DLG2: variants seen among roughly 807,000 people sequenced by gnomAD.
DLG2 encodes discs large MAGUK scaffold protein 2, also known as disks large homolog 2.
A neutral mutation model predicts 132.5 loss-of-function variants in DLG2; 45 were observed. The observed-to-expected ratio is 0.34, with a 90% CI of 0.27 to 0.44. The LOEUF (loss-of-function observed/expected upper bound fraction) is 0.44. DLG2 is among the 20% of genes least tolerant of loss of function. DLG2 has a pLI of 1.00. For missense variants in DLG2, 1,045 were observed against 1,196.9 expected (o/e 0.87, Z 1.87); for synonymous variants, 424 against 419.6 (o/e 1.01, Z -0.13).
intron 19 of DLG2, among the ~76,000 whole-genome samples, chr11:83,560,487 A>G (rs1196314198): frequency 7.7e-6 from 1 of 129,976 alleles, no homozygotes; most frequent in Non-Finnish European, 1.6e-5. Context: ...TCAAAGCTAG[A>G]TTAAAGGTGG....
intron 6 of DLG2, among the ~76,000 whole-genome samples, chr11:84,736,065 A>G (rs1469931019): frequency 6.6e-6 from 1 of 151,814 alleles, no homozygotes; most frequent in East Asian, 1.9e-4. Flanking sequence ...TTTTGAGTAA[A>G]TTTTTATATA....
At position 84,836,123 on chromosome 11, in the gene DLG2, TA is replaced by T. The variant is rs927886267; in HGVS notation, c.357+275537del. Among the ~76,000 whole-genome samples, 7 of 151,880 alleles carry T rather than the reference TA, an allele frequency of 4.6e-5. No individual in the cohort carries two copies. In the South Asian group the frequency reaches 8.3e-4, roughly 18 times the overall value. On this transcript the variant is annotated intron_variant, in intron 6 of 27. Transcript: ENST00000376104. ...AAGCTCAGCTCTCTCATTATCTCTG[TA>T]AAATATGGATGATTTTTACAAGATT...
chr11:84,038,348 C>T (rs771436473), intron 11 of DLG2, among the ~76,000 whole-genome samples: 7 of 151,714 alleles, frequency 4.6e-5, no homozygotes, highest in East Asian at 1.9e-4. Flanking sequence ...CATGAACAGA[C>T]GCTTCTCAAA....
chr11:84,233,377 G>C (rs2097119937), intron 8 of DLG2, among the ~76,000 whole-genome samples: 2 of 152,162 alleles, frequency 1.3e-5, no homozygotes. Flanking sequence ...TCCTAATAAA[G>C]AGCAGCCTGA....
At chr11:83,990,996 A>G (rs867184172) in intron 11 of DLG2, among the ~76,000 whole-genome samples, 9 of 152,136 alleles carry the variant, frequency 5.9e-5, no homozygotes, top group Non-Finnish European at 4.4e-5. Context: ...ACAACAAAAA[A>G]ACCCTTCCCT....
chr11:83,968,102 TTAAAA>T (rs1387994012), intron 12 of DLG2, among the ~76,000 whole-genome samples: 2 of 152,224 alleles, frequency 1.3e-5, no homozygotes, highest in Non-Finnish European at 1.5e-5. Context: ...TAATGTAAAA[TTAAAA>T]TAAATGTCCC....
At chr11:85,259,499 G>T (rs1565227778) in intron 4 of DLG2, among the ~76,000 whole-genome samples, 1 of 151,902 alleles carries the variant, frequency 6.6e-6, no homozygotes. Flanking sequence ...ATTCCACCAT[G>T]TCAGCCATGG....
chr11:84,848,068 G>T (rs1269262322), intron 6 of DLG2, among the ~76,000 whole-genome samples: 1 of 152,106 alleles, frequency 6.6e-6, no homozygotes, highest in Non-Finnish European at 1.5e-5. Flanking sequence ...GGAGCCAGAA[G>T]CCCAGAGAAC....
chr11:84,637,270 A>C (rs2099642290), intron 6 of DLG2, among the ~76,000 whole-genome samples: 1 of 152,098 alleles, frequency 6.6e-6, no homozygotes, highest in African/African-American at 2.4e-5. Context: ...TGATTATGAA[A>C]AGTTTCCCAA....
At chr11:85,600,673 TTTGA>T (rs1454567185) in intron 2 of DLG2, among the ~76,000 whole-genome samples, 1 of 152,230 alleles carries the variant, frequency 6.6e-6, no homozygotes, top group Non-Finnish European at 1.5e-5. Flanking sequence ...ATATATGTGG[TTTGA>T]TTATGTTGTC....
chr11:85,559,886 G>C (rs945024892), intron 3 of DLG2, among the ~76,000 whole-genome samples: 1 of 151,588 alleles, frequency 6.6e-6, no homozygotes, highest in African/African-American at 2.4e-5. Flanking sequence ...TGTAAAGTGT[G>C]TTAATCAGCC....
At chr11:85,199,772 A>G (rs890629606) in intron 4 of DLG2, among the ~76,000 whole-genome samples, 1 of 152,180 alleles carries the variant, frequency 6.6e-6, no homozygotes, top group African/African-American at 2.4e-5. Flanking sequence ...ACAGTTGTAT[A>G]AATACACACA....
At chr11:85,266,964 T>C (rs516620) in intron 4 of DLG2, among the ~76,000 whole-genome samples, 134,143 of 152,210 alleles carry the variant, frequency 0.88, 59,451 homozygotes, top group Non-Finnish European at 0.93. Flanking sequence ...CCTTTGGTAG[T>C]AGTTACATAA....
intron 6 of DLG2, among the ~76,000 whole-genome samples, chr11:84,914,863 A>G (rs2092353323): frequency 6.6e-6 from 1 of 152,232 alleles, no homozygotes; most frequent in African/African-American, 2.4e-5. Context: ...TGAAGATGAA[A>G]TGAGTGATGT....
intron 6 of DLG2, among the ~76,000 whole-genome samples, chr11:84,802,588 G>A (rs927220410): frequency 6.0e-5 from 9 of 149,184 alleles, no homozygotes; most frequent in African/African-American, 2.2e-4. Flanking sequence ...CTGATCTCTT[G>A]CAGGAATCAC....
At chr11:84,606,324 C>T (rs1415925241) in intron 6 of DLG2, among the ~76,000 whole-genome samples, 1 of 152,008 alleles carries the variant, frequency 6.6e-6, no homozygotes, top group Non-Finnish European at 1.5e-5. Context: ...AATTTGTAAA[C>T]AGAGAGTACA....
chr11:83,956,167 G>C (rs865777560), intron 14 of DLG2, among the ~76,000 whole-genome samples: 1 of 151,944 alleles, frequency 6.6e-6, no homozygotes, highest in Non-Finnish European at 1.5e-5. Flanking sequence ...CGTTTTCATC[G>C]CTCAGTCAAA....
chr11:84,305,998 AT>A (rs2098213841), intron 7 of DLG2, among the ~76,000 whole-genome samples: 2 of 152,268 alleles, frequency 1.3e-5, no homozygotes, highest in South Asian at 4.1e-4. Context: ...AGATCCCTGT[AT>A]TTTATGTTTC....
intron 3 of DLG2, among the ~76,000 whole-genome samples, chr11:85,471,952 C>T (rs963563905): frequency 1.3e-5 from 2 of 152,088 alleles, no homozygotes; most frequent in East Asian, 3.9e-4. Context: ...CATAATGTGA[C>T]TTTTAGATAA....
Sources: gnomAD v4.1 joint callset for allele counts (sites outside exome capture counted in the v4.1 genomes callset) on GRCh38, gnomAD v4.1.1 for gene constraint, MANE v1.5 for transcripts, NCBI Gene and HGNC (gene_info 2026-07-23, HGNC 2026-07-21) for gene names.